Variants in B4GALNT3 observed in about 807,000 individuals in gnomAD.
B4GALNT3 encodes beta-1,4-N-acetyl-galactosaminyltransferase 3, also known as beta-1,4-N-acetylgalactosaminyltransferase 3.
Under a neutral mutation model 120.2 loss-of-function variants are expected in B4GALNT3, and 86 were observed. The observed-to-expected ratio is 0.72, with a 90% CI of 0.60 to 0.86. B4GALNT3 has a LOEUF of 0.86. B4GALNT3 is among the 40% of genes least tolerant of loss of function. B4GALNT3 has a pLI of 0.00. For missense variants in B4GALNT3, 1,167 were observed against 1,298.9 expected, an observed-to-expected ratio of 0.90 and a Z score of 1.56; for synonymous variants, 518 against 510.4, an observed-to-expected ratio of 1.01 and a Z score of -0.20.
chr12:490,090 A>C (rs1565592088), intron 1 of B4GALNT3, among the ~76,000 whole-genome samples: 1 of 152,218 alleles, frequency 6.6e-6, no homozygotes, highest in Non-Finnish European at 1.5e-5. Context: ...AATTTGTGGG[A>C]TGCAGTGATA....
At chr12:526,104 C>T (rs549779627) in intron 1 of B4GALNT3, among the ~76,000 whole-genome samples, 3 of 152,272 alleles carry the variant, frequency 2.0e-5, no homozygotes, top group East Asian at 1.9e-4. Context: ...TGTGCCAGAG[C>T]GCATCCTCAA....
chr12:548,291 T>G lies in B4GALNT3; in HGVS notation c.847T>G (p.Phe283Val). The change falls in exon 9 of 20, where the codon TTC becomes GTC. Residue 283 changes from phenylalanine (F) to valine (V), a missense_variant. Phe to Val is a conservative substitution (Grantham distance 50). Around this residue, in one of 3 missense-constraint regions of B4GALNT3, gnomAD observed 983 missense variants for 1,102.5 expected, o/e 0.89. Transcript: ENST00000266383. The surrounding 1 kb of genome is among the most constrained non-coding windows in gnomAD (Gnocchi z 4.9). The part of the protein sequence containing the change: ...TIIDSLSLSL[F>V]TNETFLQMDE... ...CATTGACTCCCTCTCCCTGTCCCTC[T>G]TCACAAGTGAGTAGGCTCTGGCCCT... 2 of 1,613,966 alleles carry G rather than the reference T, an allele frequency of 1.2e-6. No individual in the cohort carries two copies. Among genetic ancestry groups the G allele is most frequent in the Non-Finnish European group, 1.7e-6 (2 of 1,179,854 alleles).
At chr12:529,368 T>A (rs1230258245) in intron 1 of B4GALNT3, among the ~76,000 whole-genome samples, 1 of 152,198 alleles carries the variant, frequency 6.6e-6, no homozygotes, top group Non-Finnish European at 1.5e-5. Flanking sequence ...GTCTACCCCC[T>A]TGTGATGGAC....
chr12:499,754 T>C (rs1014406114), intron 1 of B4GALNT3, among the ~76,000 whole-genome samples: 5 of 152,272 alleles, frequency 3.3e-5, no homozygotes, highest in African/African-American at 1.2e-4. Flanking sequence ...GTTAAGTGAA[T>C]GAATAAAGGA....
rs146059695 is a variant in B4GALNT3, at chr12:534,453, G to A, written c.170-713G>A. 5.9e-5 allele frequency among the ~76,000 whole-genome samples: 9 copies of A among 152,204 alleles called. No individual in the cohort carries two copies. The South Asian group carries it at 8.3e-4, about 14-fold the overall frequency. ...CTTGCCTCCTGACTTGTGAATGCGC[G>A]TGCACCCCCCAGTTTCCTGTTCCCT... On this transcript the variant is annotated intron_variant, in intron 1 of 19. Transcript: ENST00000266383.
At chr12:463,255 T>C (rs1266757430) in intron 1 of B4GALNT3, among the ~76,000 whole-genome samples, 1 of 152,202 alleles carries the variant, frequency 6.6e-6, no homozygotes, top group Non-Finnish European at 1.5e-5. Flanking sequence ...AACTCCAGGG[T>C]TACCAGTAAT....
intron 3 of B4GALNT3, among the ~76,000 whole-genome samples, chr12:543,911 C>A (rs1206942286): frequency 2.8e-5 from 3 of 106,042 alleles, no homozygotes; most frequent in Non-Finnish European, 3.8e-5. Flanking sequence ...GGAGCTGGGA[C>A]GGGCATGGGG....
chr12:554,120 C>A, intron 14 of B4GALNT3, 137 bp downstream of exon 14: 2 of 650,628 alleles, frequency 3.1e-6, no homozygotes, highest in Non-Finnish European at 5.2e-6. Context: ...GACTCAGGCT[C>A]CTGGGAAGGA....
chr12:552,764 G>T (rs1189897862), intron 13 of B4GALNT3: 3 of 561,990 alleles, frequency 5.3e-6, no homozygotes, highest in Non-Finnish European at 9.5e-6. Context: ...CTGGAGGAGA[G>T]TGAGAGCCCG....
At chr12:486,609 C>T (rs1044340831) in intron 1 of B4GALNT3, among the ~76,000 whole-genome samples, 13 of 152,300 alleles carry the variant, frequency 8.5e-5, no homozygotes, top group African/African-American at 3.1e-4. Context: ...CCAACACCAG[C>T]CCCTTCTGGT....
intron 1 of B4GALNT3, among the ~76,000 whole-genome samples, chr12:469,120 G>A (rs1337927807): frequency 1.3e-5 from 2 of 152,194 alleles, no homozygotes; most frequent in Non-Finnish European, 2.9e-5. Context: ...CAGACTCTGA[G>A]TGGACTGAAA....
chr12:545,649 A>G (rs1946984905), intron 6 of B4GALNT3, among the ~76,000 whole-genome samples, 180 bp downstream of exon 6: 1 of 144,778 alleles, frequency 6.9e-6, no homozygotes, highest in African/African-American at 2.6e-5. Context: ...GATGGGGAGG[A>G]GTGAGGAGTG....
chr12:522,984 ATGT>A (rs1946726633), intron 1 of B4GALNT3, among the ~76,000 whole-genome samples: 1 of 146,160 alleles, frequency 6.8e-6, no homozygotes, highest in Non-Finnish European at 1.5e-5. Flanking sequence ...GGTAACTTTT[ATGT>A]TATAGGTATT....
At chr12:489,175 G>C (rs1946318108) in intron 1 of B4GALNT3, among the ~76,000 whole-genome samples, 1 of 150,496 alleles carries the variant, frequency 6.6e-6, no homozygotes, top group Admixed American at 6.6e-5. Context: ...GGTTGGGGTG[G>C]GGGGGCAAGG....
rs1747800036 is a variant in B4GALNT3, at chr12:546,688, C to T, written c.682C>T (p.Arg228Trp). The change falls in exon 7 of 20, where the codon CGG becomes TGG. Residue 228 changes from arginine to tryptophan, a missense_variant. Around this residue, in one of 3 missense-constraint regions of B4GALNT3, gnomAD observed 983 missense variants for 1,102.5 expected, o/e 0.89. Transcript: ENST00000266383. ...CGCCCCGGGAGAGTTTGGGAAATTTCGGAGCCAAATTTCCAAGCCGGTGAG... is the reference window on the plus strand; with the variant it reads ...CGCCCCGGGAGAGTTTGGGAAATTTTGGAGCCAAATTTCCAAGCCGGTGAG... ...WTAPGEFGKF[R>W]SQISKPVSLS... The T allele has an allele frequency of 2.7e-5, 42 of 1,551,522 alleles. No individual in the cohort carries two copies. Among genetic ancestry groups the T allele is most frequent in the Non-Finnish European group, 3.4e-5 (39 of 1,146,906 alleles).
intron 1 of B4GALNT3, among the ~76,000 whole-genome samples, chr12:466,963 A>T (rs1281800062): frequency 2.0e-5 from 3 of 152,152 alleles, no homozygotes; most frequent in Non-Finnish European, 4.4e-5. Flanking sequence ...GACACAGAGT[A>T]TTACCAGTAC....
At chr12:542,553 G>T (rs1489926341) in intron 3 of B4GALNT3, among the ~76,000 whole-genome samples, 1 of 152,250 alleles carries the variant, frequency 6.6e-6, no homozygotes, top group East Asian at 1.9e-4. Flanking sequence ...AAGCCCTGGG[G>T]GAGGGGAGGA....
At chr12:500,704 C>T (rs951895260) in intron 1 of B4GALNT3, among the ~76,000 whole-genome samples, 1 of 152,024 alleles carries the variant, frequency 6.6e-6, no homozygotes, top group Admixed American at 6.6e-5. Flanking sequence ...TCATACTATC[C>T]AGCAATGAAT....
At chr12:549,971 T>A (rs1234026913) in intron 10 of B4GALNT3, 59 bp downstream of exon 10, 2 of 1,526,432 alleles carry the variant, frequency 1.3e-6, no homozygotes, top group Non-Finnish European at 1.8e-6. Context: ...CCAGGTCCAC[T>A]GCTGATGGTG....
Sources: allele counts gnomAD v4.1 joint callset (sites outside exome capture counted in the v4.1 genomes callset), GRCh38; gene constraint gnomAD v4.1.1; regional missense constraint gnomAD v4.1.1; non-coding constraint Gnocchi (gnomAD v3.1); transcripts MANE v1.5; gene names NCBI Gene and HGNC (gene_info 2026-07-23, HGNC 2026-07-21).